Variants in ZNF44 observed in about 807,000 individuals in gnomAD.
The protein encoded by ZNF44 is zinc finger protein 44, also known as gonadotropin inducible transcription repressor-2.
Under a neutral mutation model 11.7 loss-of-function variants are expected in ZNF44, and 9 were observed. The observed-to-expected ratio is 0.77, with a 90% CI of 0.46 to 1.35. The LOEUF (loss-of-function observed/expected upper bound fraction) is 1.35. ZNF44 is among the 40% of genes most tolerant of loss of function. The pLI is 0.00. For synonymous variants in ZNF44, 224 were observed against 242.7 expected (o/e 0.92, Z 0.72); for missense variants, 696 against 743.1 (o/e 0.94, Z 0.74).
intron 1 of ZNF44, chr19:12,284,298 A>C (rs1011939383): frequency 1.5e-4 from 66 of 451,982 alleles, no homozygotes; most frequent in African/African-American, 1.3e-3. Flanking sequence ...TAAAAGATAA[A>C]TATTAAAAGG....
At chr19:12,290,570 C>T (rs1967968428) in intron 1 of ZNF44, among the ~76,000 whole-genome samples, 1 of 151,812 alleles carries the variant, frequency 6.6e-6, no homozygotes, top group African/African-American at 2.4e-5. Flanking sequence ...CATGGTGGCA[C>T]ACGCCTGTAA....
At chr19:12,285,602 G>C (rs866893809) in intron 1 of ZNF44, among the ~76,000 whole-genome samples, 2 of 152,158 alleles carry the variant, frequency 1.3e-5, no homozygotes, top group Admixed American at 1.3e-4. Context: ...CTAGTAAACT[G>C]AAGTTTGTCT....
chr19:12,269,707 T>C (rs1172146690), downstream of ZNF44, among the ~76,000 whole-genome samples: 1 of 152,180 alleles, frequency 6.6e-6, no homozygotes, highest in Non-Finnish European at 1.5e-5. Context: ...ATGCAAATTT[T>C]CTGGAGCACT....
Position 12,273,234 on chromosome 19 carries a change from T to C in ZNF44, c.1021A>G (p.Ile341Val), listed in dbSNP as rs1209846102. Residue 341 changes from isoleucine (I) to valine (V), a missense_variant, in exon 4 of 4, where the codon ATA becomes GTA. Coordinates refer to ENST00000355684, the MANE Select transcript of ZNF44 (RefSeq NM_016264.4). Reference sequence around the variant, plus strand: ...GGAAAATCAAAGCCTTTCCCACATATCTTACATTTATGAGGTCCATCTCCA... The same window carrying C: ...GGAAAATCAAAGCCTTTCCCACATACCTTACATTTATGAGGTCCATCTCCA... Reference protein sequence around the residue: ...HSGDGPHKCKICGKGFDFPGS... With the variant: ...HSGDGPHKCKVCGKGFDFPGS... 13 of 1,613,816 alleles carry C rather than the reference T, an allele frequency of 8.1e-6. No homozygotes were observed. Among genetic ancestry groups the C allele is most frequent in the South Asian group, 1.1e-5 (1 of 91,080 alleles).
At position 12,273,596 on chromosome 19, in the gene ZNF44, G is replaced by A. The variant is rs142288021; in HGVS notation, c.659C>T (p.Thr220Ile). ...CTTACATTCATATGGTTTCTCTCCA[G>A]TGTGAGTTCTTTCATGCATACGTAA... is the stretch of plus-strand genomic sequence containing the variant. ...SLLRMHERTH[T>I]GEKPYECKQC... Residue 220 changes from threonine (T) to isoleucine (I), a missense_variant, in exon 4 of 4, where the codon ACT becomes ATT. By Grantham distance (89) the Thr-to-Ile change is moderately conservative. Transcript: ENST00000355684. 4.5e-3 allele frequency: 7,284 copies of A among 1,614,066 alleles called. 30 individuals carry two copies. The highest frequency in any genetic ancestry group is 5.4e-3 in the Non-Finnish European group (6,339 of 1,179,994).
At chr19:12,249,362 C>T (rs1164980150) in intron 7 of ZNF44, among the ~76,000 whole-genome samples, 14 of 150,290 alleles carry the variant, frequency 9.3e-5, no homozygotes, top group Admixed American at 3.3e-4. Flanking sequence ...AAAAATTAGC[C>T]GGGCGTGGTG....
At chr19:12,266,126 TGC>T in intron 5 of ZNF44, 1 of 450,584 alleles carries the variant, frequency 2.2e-6, no homozygotes, top group Non-Finnish European at 2.9e-6. Flanking sequence ...AGGGCCACCC[TGC>T]GGCCAAGGGG....
chr19:12,287,660 T>C (rs968167795), intron 1 of ZNF44, among the ~76,000 whole-genome samples: 3 of 152,252 alleles, frequency 2.0e-5, no homozygotes, highest in Non-Finnish European at 4.4e-5. Flanking sequence ...AATGTCTGAA[T>C]AGTATTCCAC....
intron 5 of ZNF44, among the ~76,000 whole-genome samples, chr19:12,264,416 C>T (rs1325124857): frequency 6.6e-6 from 1 of 152,188 alleles, no homozygotes; most frequent in Non-Finnish European, 1.5e-5. Context: ...CCTCCGCTCA[C>T]TAGTCATGCG....
intron 5 of ZNF44, chr19:12,260,281 C>A: frequency 1.2e-6 from 1 of 844,910 alleles, no homozygotes; most frequent in South Asian, 1.4e-5. Context: ...GGCGTGGAGC[C>A]GGCAGCCGAG....
At chr19:12,235,237 C>T (rs1243870799) in intron 1 of ZNF44, among the ~76,000 whole-genome samples, 2 of 152,206 alleles carry the variant, frequency 1.3e-5, no homozygotes, top group African/African-American at 4.8e-5. Flanking sequence ...GGCGTGGTAG[C>T]AGGCGCCTGT....
Position 12,274,974 on chromosome 19 carries a change from T to C in ZNF44, c.190A>G (p.Arg64Gly), listed in dbSNP as rs1406167084. Residue 64 changes from arginine (R) to glycine (G), a missense_variant and splice_region_variant, in exon 3 of 4, where the codon AGG becomes GGG. By Grantham distance (125) the Arg-to-Gly change is moderately radical. Transcript: ENST00000355684. ...CTGTCTCTTATAAGTACAAATTACCTTGGATTTCTCCTGAGATTTTGGTGC... is the reference window on the plus strand; with the variant it reads ...CTGTCTCTTATAAGTACAAATTACCCTGGATTTCTCCTGAGATTTTGGTGC... ...DQHQNLRRNPRCDVVERFGKS... is the reference protein window; with the variant it reads ...DQHQNLRRNPGCDVVERFGKS... 3 of 1,587,204 alleles carry C rather than the reference T, an allele frequency of 1.9e-6. No homozygotes were observed. The highest frequency in any genetic ancestry group is 1.7e-5 in the Admixed American group (1 of 57,494).
chr19:12,238,624 C>CA (rs760047200), upstream of ZNF44, among the ~76,000 whole-genome samples: 5,793 of 62,300 alleles, frequency 0.093, 293 homozygotes, highest in African/African-American at 0.15. Flanking sequence ...GAGACTGTCT[C>CA]AAAAAAAAAA....
At chr19:12,239,126 T>G (rs908085034), upstream of ZNF44, among the ~76,000 whole-genome samples, 2 of 152,078 alleles carry the variant, frequency 1.3e-5, no homozygotes, top group African/African-American at 4.8e-5. Flanking sequence ...CTAAACAGAT[T>G]TTTTTAGAGG....
At chr19:12,282,163 T>C (rs1267273413) in intron 1 of ZNF44, among the ~76,000 whole-genome samples, 1 of 152,118 alleles carries the variant, frequency 6.6e-6, no homozygotes, top group Admixed American at 6.6e-5. Context: ...ATCTGCTTGA[T>C]ATTGGACTTT....
chr19:12,232,847 G>A (rs1049189713), intron 2 of ZNF44, among the ~76,000 whole-genome samples: 5 of 152,138 alleles, frequency 3.3e-5, no homozygotes, highest in Non-Finnish European at 5.9e-5. Flanking sequence ...GAGAGGAAGA[G>A]ATTCCCACAG....
chr19:12,259,063 CAG>C (rs1917387661), intron 5 of ZNF44, among the ~76,000 whole-genome samples: 1 of 151,298 alleles, frequency 6.6e-6, no homozygotes, highest in Admixed American at 6.6e-5. Context: ...TTTGTAGACA[CAG>C]GGTCCCACCA....
downstream of ZNF44, among the ~76,000 whole-genome samples, chr19:12,269,851 G>T (rs1355616305): frequency 1.3e-5 from 2 of 152,220 alleles, no homozygotes; most frequent in Admixed American, 1.3e-4. Context: ...TGATACTTAG[G>T]TCATCTCATC....
chr19:12,258,701 G>A (rs898046037), intron 5 of ZNF44, among the ~76,000 whole-genome samples: 1 of 152,038 alleles, frequency 6.6e-6, no homozygotes. Context: ...GTGGTGGCAA[G>A]TGCCTGCAAT....
Sources: allele counts gnomAD v4.1 joint callset (sites outside exome capture counted in the v4.1 genomes callset), GRCh38; gene constraint gnomAD v4.1.1; transcripts MANE v1.5; gene names NCBI Gene and HGNC (gene_info 2026-07-23, HGNC 2026-07-21).